AKAP7: variants seen among roughly 807,000 people sequenced by gnomAD.
The protein encoded by AKAP7 is A kinase (PRKA) anchor protein 7.
In AKAP7, 39 loss-of-function variants were observed where a neutral mutation model predicts 39.5. The ratio of observed to expected loss-of-function variants is 0.99; its 90% CI spans 0.76 to 1.29. The LOEUF is 1.29. Ranked by LOEUF, AKAP7 falls within the 50% of genes most tolerant of loss-of-function variation. The probability of loss-of-function intolerance (pLI) is 0.00; values close to 1 mark genes in which losing one functional copy is unlikely to be tolerated. For missense variants in AKAP7, 414 were observed against 407.7 expected (o/e 1.02, Z -0.13); for synonymous variants, 140 against 139.1 (o/e 1.01, Z -0.05).
chr6:131,155,330 A>G (rs146196531), intron 2 of AKAP7, among the ~76,000 whole-genome samples: 5 of 152,266 alleles, frequency 3.3e-5, no homozygotes, highest in African/African-American at 1.2e-4. Flanking sequence ...AGTATTTTGA[A>G]TTTCCTATAG....
At chr6:131,238,985 G>A (rs972364920) in intron 7 of AKAP7, among the ~76,000 whole-genome samples, 2 of 152,154 alleles carry the variant, frequency 1.3e-5, no homozygotes, top group African/African-American at 2.4e-5. Flanking sequence ...ATTAGTTGAT[G>A]CAGTTTTTTC....
chr6:131,241,635 A>ACGTATATATATATATATGTGTGTGTG (rs1440702156), intron 7 of AKAP7, among the ~76,000 whole-genome samples: 13 of 86,624 alleles, frequency 1.5e-4, no homozygotes, highest in Non-Finnish European at 2.1e-4. Flanking sequence ...GTGTATATAT[A>ACGTATATATATATATATGTGTGTGTG]TATGACAGTT....
chr6:131,158,275 A>G (rs1159521971), intron 2 of AKAP7, among the ~76,000 whole-genome samples: 1 of 152,194 alleles, frequency 6.6e-6, no homozygotes, highest in Non-Finnish European at 1.5e-5. Flanking sequence ...GCAGGGTTGC[A>G]TATGCACACA....
intron 5 of AKAP7, among the ~76,000 whole-genome samples, chr6:131,179,988 A>G (rs1423040789): frequency 6.6e-6 from 1 of 152,254 alleles, no homozygotes; most frequent in East Asian, 1.9e-4. Context: ...CTCTCCTGCA[A>G]ATGTATGTTT....
chr6:131,258,465 A>T (rs1813043631), intron 7 of AKAP7, among the ~76,000 whole-genome samples: 1 of 152,214 alleles, frequency 6.6e-6, no homozygotes, highest in African/African-American at 2.4e-5. Context: ...CCCAAATTGG[A>T]AATTACCTTA....
intron 7 of AKAP7, among the ~76,000 whole-genome samples, chr6:131,228,950 A>G (rs1167750994): frequency 6.6e-6 from 1 of 152,198 alleles, no homozygotes; most frequent in African/African-American, 2.4e-5. Flanking sequence ...TTTAATCTCA[A>G]CTTCTGAGTA....
rs55904232 is a variant in AKAP7 at position 131,197,732 on chromosome 6, A to G, written c.590-1729A>G. ...TAAATTTGATTTGGATTTGGATTTA[A>G]TAGTTTCCATGTCTCTACTTGTTGG... On this transcript the variant is annotated intron_variant, in intron 5 of 7. Transcript: ENST00000431975. Among the ~76,000 whole-genome samples, 1,159 of 152,292 alleles carry G rather than the reference A, an allele frequency of 7.6e-3. 6 individuals carry two copies. Among genetic ancestry groups the G allele is most frequent in the South Asian group, 0.017 (83 of 4,828 alleles).
In AKAP7 at chr6:131,210,594, G is replaced by A. The variant is rs918969975; in HGVS notation, c.703-9067G>A. Among the ~76,000 whole-genome samples, 4 of 152,320 alleles carry A rather than the reference G, an allele frequency of 2.6e-5. No homozygotes were observed. The East Asian group carries it at 7.7e-4, about 29-fold the overall frequency. On this transcript the variant is annotated intron_variant, in intron 6 of 7. Transcript: ENST00000431975. ...TACTGTCCCTAAGCTGAAGACCAGA[G>A]TATGAAACTACCTCTCTTCCTTCCT...
intron 7 of AKAP7, among the ~76,000 whole-genome samples, chr6:131,276,378 A>T (rs1375700062): frequency 6.6e-6 from 1 of 152,004 alleles, no homozygotes; most frequent in Non-Finnish European, 1.5e-5. Flanking sequence ...GGGTCCCGGG[A>T]CCGTGTCAGT....
At chr6:131,159,117 G>A (rs572390921) in intron 2 of AKAP7, among the ~76,000 whole-genome samples, 2 of 151,116 alleles carry the variant, frequency 1.3e-5, no homozygotes, top group South Asian at 2.1e-4. Flanking sequence ...TTTTTGAGAC[G>A]GAGTCTCCCT....
chr6:131,241,942 C>A, intron 7 of AKAP7: 1 of 655,616 alleles, frequency 1.5e-6, no homozygotes, highest in Non-Finnish European at 1.9e-6. Flanking sequence ...GAGAAACTTG[C>A]TCTGGTAGAA....
chr6:131,158,732 C>T (rs1007675114), intron 2 of AKAP7, among the ~76,000 whole-genome samples: 5 of 151,980 alleles, frequency 3.3e-5, no homozygotes, highest in Non-Finnish European at 7.4e-5. Context: ...GTCTCACACT[C>T]CTGACCTCAA....
At chr6:131,174,649 A>G (rs1804402091) in intron 5 of AKAP7, among the ~76,000 whole-genome samples, 1 of 152,252 alleles carries the variant, frequency 6.6e-6, no homozygotes, top group African/African-American at 2.4e-5. Flanking sequence ...CAGTAAAATG[A>G]TTTAATATTT....
intron 5 of AKAP7, among the ~76,000 whole-genome samples, chr6:131,176,315 C>G (rs1183371128): frequency 1.3e-5 from 2 of 151,712 alleles, no homozygotes. Flanking sequence ...AAAACAGCAC[C>G]TTCTTTCCTA....
chr6:131,187,761 A>G (rs759498196), intron 5 of AKAP7, among the ~76,000 whole-genome samples: 1 of 152,230 alleles, frequency 6.6e-6, no homozygotes, highest in Non-Finnish European at 1.5e-5. Context: ...AGAACATTTA[A>G]CTTTAGGTAG....
At chr6:131,153,690 A>C (rs561207446) in intron 2 of AKAP7, among the ~76,000 whole-genome samples, 2 of 152,312 alleles carry the variant, frequency 1.3e-5, no homozygotes, top group African/African-American at 4.8e-5. Flanking sequence ...TACTGTGTTA[A>C]TTCTGTCCCC....
At chr6:131,168,751 T>G (rs1416842405) in intron 4 of AKAP7, among the ~76,000 whole-genome samples, 1 of 152,208 alleles carries the variant, frequency 6.6e-6, no homozygotes, top group African/African-American at 2.4e-5. Context: ...ACTTGACACA[T>G]AATCTAATGT....
intron 6 of AKAP7, among the ~76,000 whole-genome samples, chr6:131,209,903 A>G (rs1475570195): frequency 6.6e-6 from 1 of 152,194 alleles, no homozygotes. Context: ...TTATTCCAAA[A>G]TGGTGTTGAT....
intron 6 of AKAP7, among the ~76,000 whole-genome samples, chr6:131,208,756 TC>T (rs1303589821): frequency 5.9e-5 from 9 of 152,108 alleles, no homozygotes; most frequent in Non-Finnish European, 1.0e-4. Flanking sequence ...ATTCTTTTTT[TC>T]CCCCCATGTT....
Sources: allele counts gnomAD v4.1 joint callset (sites outside exome capture counted in the v4.1 genomes callset), GRCh38; gene constraint gnomAD v4.1.1; transcripts MANE v1.5; gene names NCBI Gene and HGNC (gene_info 2026-07-23, HGNC 2026-07-21).